Variants in TACC2 observed in about 807,000 individuals in gnomAD.
The protein encoded by TACC2 is transforming acidic coiled-coil-containing protein 2.
A neutral mutation model predicts 227.3 loss-of-function variants in TACC2; 137 were observed. The ratio of observed to expected loss-of-function variants is 0.60; its 90% CI spans 0.52 to 0.69. The LOEUF is 0.69. Among genes scored for constraint, TACC2 ranks in the 30% least tolerant of loss-of-function variants. The pLI is 0.00. For missense variants in TACC2, 3,470 were observed against 3,694.4 expected (o/e 0.94, Z 1.57); for synonymous variants, 1,523 against 1,487.5 (o/e 1.02, Z -0.55).
chr10:122,160,076 T>C lies in TACC2; in HGVS notation c.5834+16370T>C, dbSNP rs147165591. On this transcript the variant is annotated intron_variant, in intron 7 of 22. Transcript: ENST00000369005. The stretch of plus-strand genomic sequence containing the variant: ...GATTTGTCAGGTTTGCTGATCTTTC[T>C]GGTAGGTGTCACAAAGTAATGTGAG... 2.2e-3 allele frequency among the ~76,000 whole-genome samples: 331 copies of C among 152,332 alleles called. 2 individuals are homozygous for C. In the Middle Eastern group the frequency reaches 0.024, roughly 11 times the overall value.
chr10:122,174,942 G>A (rs888866852), intron 7 of TACC2, among the ~76,000 whole-genome samples: 4 of 152,138 alleles, frequency 2.6e-5, no homozygotes, highest in Non-Finnish European at 2.9e-5. Flanking sequence ...ATGAAAAGGC[G>A]ATCACTGTGG....
rs142000357 is a variant in TACC2, at chr10:122,049,109, G to A, written c.34-1329G>A. Among the ~76,000 whole-genome samples, 10 of 152,332 alleles carry A rather than the reference G, an allele frequency of 6.6e-5. No individual in the cohort carries two copies. In the East Asian group the frequency reaches 1.7e-3, roughly 26 times the overall value. On this transcript the variant is annotated intron_variant, in intron 2 of 22. Transcript: ENST00000369005. ...CTGGTGCAGCTCATCTGGATGAGAGGTGGACCGGGGAATGCACTCTCAGTT... is the reference window on the plus strand; with the variant it reads ...CTGGTGCAGCTCATCTGGATGAGAGATGGACCGGGGAATGCACTCTCAGTT...
chr10:122,027,032 A>T (rs1204108405), intron 2 of TACC2, among the ~76,000 whole-genome samples: 1 of 152,218 alleles, frequency 6.6e-6, no homozygotes, highest in African/African-American at 2.4e-5. Flanking sequence ...GTAAGAAACC[A>T]CCAAACTGTC....
At chr10:122,015,777 G>A (rs111640422) in intron 1 of TACC2, among the ~76,000 whole-genome samples, 17 of 125,866 alleles carry the variant, frequency 1.4e-4, no homozygotes, top group East Asian at 7.9e-4. Context: ...ACTTGAACCC[G>A]GGAGGGGGAG....
In TACC2 at chr10:122,178,390, C is replaced by CCA. The variant is rs571859126; in HGVS notation, c.5835-16646_5835-16645dup. 5.6e-3 allele frequency among the ~76,000 whole-genome samples: 858 copies of CCA among 152,142 alleles called. 10 individuals are homozygous for CCA. The highest frequency in any genetic ancestry group is 0.02 in the African/African-American group (827 of 41,496). On this transcript the variant is annotated intron_variant, in intron 7 of 22. Transcript: ENST00000369005. ...TATCTGGGATCACAGGCACACACCA[C>CCA]CACACGTGGCTAAGTTTTGTATTTT...
intron 11 of TACC2, among the ~76,000 whole-genome samples, chr10:122,221,584 C>T (rs748995418): frequency 6.6e-5 from 10 of 152,076 alleles, no homozygotes; most frequent in African/African-American, 1.4e-4. Context: ...AGAAGGGTGA[C>T]GGTGGGGAAG....
intron 7 of TACC2, among the ~76,000 whole-genome samples, chr10:122,161,507 A>G (rs1188227055): frequency 2.6e-5 from 4 of 152,244 alleles, no homozygotes; most frequent in African/African-American, 9.6e-5. Context: ...CTCTTTTGCC[A>G]GCTGAGGAAA....
intron 9 of TACC2, 46 bp downstream of exon 9, chr10:122,211,754 C>T: frequency 6.7e-7 from 1 of 1,489,750 alleles, no homozygotes; most frequent in African/African-American, 1.4e-5. Context: ...CGGGGGTGCG[C>T]ATTGGCTGTG....
In TACC2 at chr10:122,087,624, C is replaced by T; in HGVS notation, c.5124C>T (p.Asp1708=). 5.6e-6 allele frequency: 9 copies of T among 1,613,528 alleles called. No individual in the cohort carries two copies. The highest frequency in any genetic ancestry group is 7.6e-6 in the Non-Finnish European group (9 of 1,180,010). ...GCGCTGCTGGGGAAGCAGAGGGTGA[C>T]ATCACCCTGAGCACAGCTGAGACAC... ...VAGAAGEAEG[D]ITLSTAETQA... is the part of the protein sequence containing the mutation. Residue 1708 remains aspartate, a synonymous_variant, in exon 4 of 23, where the codon GAC becomes GAT. Coordinates refer to ENST00000369005, the MANE Select transcript of TACC2 (RefSeq NM_206862.4).
rs527307803 is a variant in TACC2, at chr10:122,055,784, C to T, written c.146+5234C>T. On this transcript the variant is annotated intron_variant, in intron 3 of 22. Coordinates refer to ENST00000369005, the MANE Select transcript of TACC2 (RefSeq NM_206862.4). ...CACCTGGGTGGGAATTTTGGTATTA[C>T]GATGAGCCAGTGGGTGAAGATGGGT... Among the ~76,000 whole-genome samples the T allele has an allele frequency of 1.6e-4, 24 of 152,358 alleles. No homozygotes were observed. The South Asian group carries it at 4.1e-3, about 26-fold the overall frequency.
intron 2 of TACC2, among the ~76,000 whole-genome samples, chr10:122,030,970 T>C (rs1364242448): frequency 6.6e-6 from 1 of 152,094 alleles, no homozygotes; most frequent in African/African-American, 2.4e-5. Context: ...TACCATGATC[T>C]ACCTGGCCAT....
At chr10:122,118,175 C>A (rs544802603) in intron 5 of TACC2, among the ~76,000 whole-genome samples, 1 of 152,004 alleles carries the variant, frequency 6.6e-6, no homozygotes, top group Non-Finnish European at 1.5e-5. Context: ...CCACCATGCC[C>A]GGCTAATTTT....
chr10:122,097,794 A>G (rs1171978864), intron 5 of TACC2, among the ~76,000 whole-genome samples: 1 of 152,136 alleles, frequency 6.6e-6, no homozygotes, highest in East Asian at 1.9e-4. Context: ...GAGACACGGC[A>G]CACCCGACAC....
At chr10:122,216,977 G>A (rs1434944108) in intron 11 of TACC2, 149 bp downstream of exon 11, 1 of 1,474,708 alleles carries the variant, frequency 6.8e-7, no homozygotes, top group African/African-American at 1.4e-5. Flanking sequence ...TGCACTTGCA[G>A]CTCAGGCTGT....
intron 2 of TACC2, chr10:122,022,313 C>G (rs1957429422): frequency 7.0e-6 from 2 of 286,774 alleles, no homozygotes; most frequent in Non-Finnish European, 1.3e-5. Context: ...ATGATCATAG[C>G]TCACTGCAGC....
intron 3 of TACC2, among the ~76,000 whole-genome samples, chr10:122,073,126 A>AAAAATATAT (rs1383487943): frequency 3.4e-4 from 24 of 71,004 alleles, no homozygotes; most frequent in East Asian, 7.5e-4. Context: ...AAAAAAAAAA[A>AAAAATATAT]ATATATATAT....
intron 5 of TACC2, among the ~76,000 whole-genome samples, chr10:122,113,443 G>T (rs977460556): frequency 5.9e-5 from 9 of 152,380 alleles, no homozygotes; most frequent in African/African-American, 2.2e-4. Context: ...GGGCCCCAGA[G>T]TGTCTGCCCA....
chr10:122,193,484 G>T (rs559869602), intron 7 of TACC2, among the ~76,000 whole-genome samples: 2 of 152,144 alleles, frequency 1.3e-5, no homozygotes, highest in Non-Finnish European at 2.9e-5. Flanking sequence ...GCTCAGCAAC[G>T]TGAGCATCTC....
At chr10:122,089,626 C>G (rs926553106) in intron 5 of TACC2, among the ~76,000 whole-genome samples, 4 of 152,230 alleles carry the variant, frequency 2.6e-5, no homozygotes, top group African/African-American at 7.2e-5. Context: ...TTTGGCTGTT[C>G]TGGTGCTGTG....
Sources: gnomAD v4.1 joint callset for allele counts (sites outside exome capture counted in the v4.1 genomes callset) on GRCh38, gnomAD v4.1.1 for gene constraint, MANE v1.5 for transcripts, NCBI Gene and HGNC (gene_info 2026-07-23, HGNC 2026-07-21) for gene names.